Variants in CYP8B1 observed in about 807,000 individuals in gnomAD.
CYP8B1 encodes cytochrome P450 family 8 subfamily B member 1.
For synonymous variants in CYP8B1, 221 were observed against 251.2 expected (o/e 0.88, Z 1.14); for missense variants, 594 against 643.7 (o/e 0.92, Z 0.84).
rs1218136599 is a variant in CYP8B1, at chr3:42,872,787, T to G, written c.*1524A>C. 6.6e-6 allele frequency: 1 copy of G among 152,130 alleles called. No individual in the cohort carries two copies. The highest frequency in any genetic ancestry group is 2.4e-5 in the African/African-American group (1 of 41,268). 9.4% of individuals were successfully genotyped at this position (152,130 alleles called of 1,614,324 possible). A position where few individuals can be genotyped will look rare whatever the true frequency, so the allele number is the denominator to read the frequency against. On this transcript the variant is annotated 3_prime_UTR_variant, in exon 1 of 1. Transcript: ENST00000316161. ...TGTACTGATAGGACGGGGGCCTGCT[T>G]GTATGAAGGTGAAAGAGGAGGAGGG...
In CYP8B1 at chr3:42,874,386, C is replaced by T. The variant is rs735320; in HGVS notation, c.1431G>A (p.Pro477=). Residue 477 remains proline (P), a synonymous_variant, in exon 1 of 1, where the codon CCG becomes CCA. Coordinates refer to ENST00000316161, the MANE Select transcript of CYP8B1 (RefSeq NM_004391.3). ...DPDTPLPHVD[P]QRWGFGTMQP... Reference sequence around the variant, plus strand: ...GCATGGTGCCAAAACCCCAGCGCTGCGGGTCAACATGGGGTAGTGGTGTGT... The same window carrying T: ...GCATGGTGCCAAAACCCCAGCGCTGTGGGTCAACATGGGGTAGTGGTGTGT... 0.16 allele frequency: 262,734 copies of T among 1,613,748 alleles called. 22,596 individuals are homozygous for T. Among genetic ancestry groups the T allele is most frequent in the Non-Finnish European group, 0.17 (205,838 of 1,179,846 alleles).
rs373333689 is a variant in CYP8B1, at chr3:42,873,757, G to A, written c.*554C>T. The stretch of plus-strand genomic sequence containing the variant: ...GCAGAGGTTGCAGTGAGCAGAGATC[G>A]CACCGCTGCACTGCAGCCTCGGCGA... On this transcript the variant is annotated 3_prime_UTR_variant, in exon 1 of 1. Coordinates refer to ENST00000316161, the MANE Select transcript of CYP8B1 (RefSeq NM_004391.3). 3 of 153,596 alleles carry A rather than the reference G, an allele frequency of 2.0e-5. No homozygotes were observed. In the East Asian group the frequency reaches 5.8e-4, roughly 30 times the overall value. 9.5% of individuals were successfully genotyped at this position (153,596 alleles called of 1,614,324 possible).
At position 42,875,248 on chromosome 3, in the gene CYP8B1, T is replaced by A; in HGVS notation, c.569A>T (p.Lys190Met). The change falls in exon 1 of 1, where the codon AAG (lysine) becomes ATG (methionine). Residue 190 changes from lysine (K) to methionine (M), a missense_variant. Coordinates refer to ENST00000316161, the MANE Select transcript of CYP8B1 (RefSeq NM_004391.3). Reference protein sequence around the residue: ...AGYLSLFGYTKDKEQDLLQAG... With the variant: ...AGYLSLFGYTMDKEQDLLQAG... ...CTGTAGCAGGTCCTGCTCCTTGTCCTTCGTGTAGCCGAACAAGCTCAGGTA... is the reference window on the plus strand; with the variant it reads ...CTGTAGCAGGTCCTGCTCCTTGTCCATCGTGTAGCCGAACAAGCTCAGGTA... 2 of 1,593,818 alleles carry A rather than the reference T, an allele frequency of 1.3e-6. No individual in the cohort carries two copies. The highest frequency in any genetic ancestry group is 1.7e-6 in the Non-Finnish European group (2 of 1,168,138).
chr3:42,875,826 C>T lies in CYP8B1; in HGVS notation c.-10G>A. 1.5e-6 allele frequency: 2 copies of T among 1,350,624 alleles called. No individual in the cohort carries two copies. The highest frequency in any genetic ancestry group is 2.7e-5 in the East Asian group (1 of 36,616). 83.7% of individuals were successfully genotyped at this position (1,350,624 alleles called of 1,614,324 possible). ...GACCCCAGAGAACCATGGCTATGCT[C>T]CTGCGGATTAAGCTCTCGACACGCA... On this transcript the variant is annotated 5_prime_UTR_variant, in exon 1 of 1. Transcript: ENST00000316161.
Position 42,874,299 on chromosome 3 carries a change from G to C in CYP8B1, c.*12C>G. 1 of 1,611,048 alleles carries C rather than the reference G, an allele frequency of 6.2e-7. No homozygotes were observed. The highest frequency in any genetic ancestry group is 8.5e-7 in the Non-Finnish European group (1 of 1,178,366). On this transcript the variant is annotated 3_prime_UTR_variant, in exon 1 of 1. Transcript: ENST00000316161. Reference sequence around the variant, plus strand: ...ACTCCTCTGGCCAGGTTTGCAGCTGGCTTGGCCAAGCTCACTCTGTAGGAT... The same window carrying C: ...ACTCCTCTGGCCAGGTTTGCAGCTGCCTTGGCCAAGCTCACTCTGTAGGAT...
rs1481923014 is a variant in CYP8B1 at position 42,873,901 on chromosome 3, G to A, written c.*410C>T. 1 of 210,374 alleles carries A rather than the reference G, an allele frequency of 4.8e-6. No homozygotes were observed. Among genetic ancestry groups the A allele is most frequent in the Non-Finnish European group, 9.5e-6 (1 of 104,718 alleles). The allele number at this position is 210,374 out of a possible 1,614,324, so 13.0% of individuals were successfully genotyped here. A position where few individuals can be genotyped will look rare whatever the true frequency, so the allele number is the denominator to read the frequency against. On this transcript the variant is annotated 3_prime_UTR_variant, in exon 1 of 1. Coordinates refer to ENST00000316161, the MANE Select transcript of CYP8B1 (RefSeq NM_004391.3). ...CTAGAACCTGAATTCCATAGGATGT[G>A]GGATAAGTGTTGCTGAAAAAACTAA...
Position 42,872,820 on chromosome 3 carries a change from CT to C in CYP8B1, c.*1490del, listed in dbSNP as rs2088483678. ...GGTGAAAGAGGAGGAGGGAGAGTGTCTCTGGGAGATGGGGTGAATGGTAGTG... is the reference window on the plus strand; with the variant it reads ...GGTGAAAGAGGAGGAGGGAGAGTGTCCTGGGAGATGGGGTGAATGGTAGTG... On this transcript the variant is annotated 3_prime_UTR_variant, in exon 1 of 1. Transcript: ENST00000316161. The C allele has an allele frequency of 6.6e-6, 1 of 152,364 alleles. No individual in the cohort carries two copies. Among genetic ancestry groups the C allele is most frequent in the Non-Finnish European group, 1.5e-5 (1 of 68,308 alleles). The allele number at this position is 152,364 out of a possible 1,614,324, so 9.4% of individuals were successfully genotyped here.
chr3:42,873,585 G>C lies in CYP8B1; in HGVS notation c.*726C>G, dbSNP rs1203421715. On this transcript the variant is annotated 3_prime_UTR_variant, in exon 1 of 1. Transcript: ENST00000316161. The stretch of plus-strand genomic sequence containing the variant: ...CAATATTTTGGATATATTGGATTAA[G>C]TAAAGTATATTATAAAAATGAATTG... 4.6e-5 allele frequency: 7 copies of C among 152,216 alleles called. No homozygotes were observed. Among genetic ancestry groups the C allele is most frequent in the Non-Finnish European group, 1.0e-4 (7 of 68,044 alleles). 9.4% of individuals were successfully genotyped at this position (152,216 alleles called of 1,614,324 possible). A position where few individuals can be genotyped will look rare whatever the true frequency, so the allele number is the denominator to read the frequency against.
Position 42,873,173 on chromosome 3 carries a change from A to G in CYP8B1, c.*1138T>C, listed in dbSNP as rs1360552471. 6.6e-6 allele frequency: 1 copy of G among 152,132 alleles called. No homozygotes were observed. The highest frequency in any genetic ancestry group is 2.4e-5 in the African/African-American group (1 of 41,396). The allele number at this position is 152,132 out of a possible 1,614,324, so 9.4% of individuals were successfully genotyped here. A position where few individuals can be genotyped will look rare whatever the true frequency, so the allele number is the denominator to read the frequency against. ...CGAGGAGGCCGGCCAAAATGGTGAA[A>G]CGCCGTCTCTACTAAAAATACAGAA... is the stretch of plus-strand genomic sequence containing the variant. On this transcript the variant is annotated 3_prime_UTR_variant, in exon 1 of 1. Coordinates refer to ENST00000316161, the MANE Select transcript of CYP8B1 (RefSeq NM_004391.3).
In CYP8B1 at chr3:42,874,906, G is replaced by A. The variant is rs2088504049; in HGVS notation, c.911C>T (p.Ala304Val). ...AGCTTCCTCCCTCACAGCCCGAATA[G>A]CTTCTGGGTGCTTCAGGAGGTACAA... ...ALLYLLKHPEAIRAVREEATQ... is the reference protein window; with the variant it reads ...ALLYLLKHPEVIRAVREEATQ... The change falls in exon 1 of 1, where the codon GCT becomes GTT. Residue 304 changes from alanine (A) to valine (V), a missense_variant. Ala to Val is a moderately conservative substitution (Grantham distance 64). Coordinates refer to ENST00000316161, the MANE Select transcript of CYP8B1 (RefSeq NM_004391.3). 3.7e-6 allele frequency: 6 copies of A among 1,602,018 alleles called. No homozygotes were observed. Among genetic ancestry groups the A allele is most frequent in the Non-Finnish European group, 4.3e-6 (5 of 1,172,744 alleles).
Position 42,874,904 on chromosome 3 carries a change from T to C in CYP8B1, c.913A>G (p.Ile305Val), listed in dbSNP as rs1469225472. 1.9e-5 allele frequency: 30 copies of C among 1,600,970 alleles called. No individual in the cohort carries two copies. Among genetic ancestry groups the C allele is most frequent in the Non-Finnish European group, 2.4e-5 (28 of 1,172,108 alleles). Reference sequence around the variant, plus strand: ...GTAGCTTCCTCCCTCACAGCCCGAATAGCTTCTGGGTGCTTCAGGAGGTAC... The same window carrying C: ...GTAGCTTCCTCCCTCACAGCCCGAACAGCTTCTGGGTGCTTCAGGAGGTAC... ...LLYLLKHPEAIRAVREEATQV... is the reference protein window; with the variant it reads ...LLYLLKHPEAVRAVREEATQV... The change falls in exon 1 of 1, where the codon ATT becomes GTT. Residue 305 changes from isoleucine to valine, a missense_variant. Transcript: ENST00000316161.
chr3:42,875,711 C>T lies in CYP8B1; in HGVS notation c.106G>A (p.Asp36Asn). The T allele has an allele frequency of 6.8e-7, 1 of 1,474,158 alleles. No individual in the cohort carries two copies. The allele number at this position is 1,474,158 out of a possible 1,614,324, so 91.3% of individuals were successfully genotyped here. Residue 36 changes from aspartate (D) to asparagine (N), a missense_variant, in exon 1 of 1, where the codon GAC becomes AAC. Coordinates refer to ENST00000316161, the MANE Select transcript of CYP8B1 (RefSeq NM_004391.3). ...CCAAGCCAGGGCACGGTACCCTTGTCCAGAGGGGGCTCCCATGGCCTGCGT... is the reference window on the plus strand; with the variant it reads ...CCAAGCCAGGGCACGGTACCCTTGTTCAGAGGGGGCTCCCATGGCCTGCGT... Reference protein sequence around the residue: ...RQRRPWEPPLDKGTVPWLGHA... With the variant: ...RQRRPWEPPLNKGTVPWLGHA...
chr3:42,874,715 T>C lies in CYP8B1; in HGVS notation c.1102A>G (p.Met368Val). The change falls in exon 1 of 1, where the codon ATG becomes GTG. Residue 368 changes from methionine (M) to valine (V), a missense_variant. Met to Val is a conservative substitution (Grantham distance 21). Coordinates refer to ENST00000316161, the MANE Select transcript of CYP8B1 (RefSeq NM_004391.3). ...AACAGATACTCCTGCCCACTGGACATCTTCAGGGTATAGTCTTCATGAACC... is the reference window on the plus strand; with the variant it reads ...AACAGATACTCCTGCCCACTGGACACCTTCAGGGTATAGTCTTCATGAACC... ...RLVHEDYTLK[M>V]SSGQEYLFRH... 1 of 1,614,080 alleles carries C rather than the reference T, an allele frequency of 6.2e-7. No individual in the cohort carries two copies. Among genetic ancestry groups the C allele is most frequent in the South Asian group, 1.1e-5 (1 of 91,072 alleles).
In CYP8B1 at chr3:42,874,778, TCTC is replaced by T. The variant is rs1395653177; in HGVS notation, c.1036_1038del (p.Glu346del). 1.2e-6 allele frequency: 2 copies of T among 1,613,966 alleles called. No individual in the cohort carries two copies. The highest frequency in any genetic ancestry group is 1.3e-5 in the African/African-American group (1 of 74,980). On this transcript the variant is annotated inframe_deletion, in exon 1 of 1. Transcript: ENST00000316161. ...GTGGGTGCAGCCCTCAGCCGCAGCG[TCTC>T]CTCCACCACGCTGTCTAGAACTGGG...
In CYP8B1 at chr3:42,874,703, G is replaced by T. The variant is rs1314738039; in HGVS notation, c.1114C>A (p.Gln372Lys). 7 of 1,613,828 alleles carry T rather than the reference G, an allele frequency of 4.3e-6. No homozygotes were observed. The highest frequency in any genetic ancestry group is 5.9e-6 in the Non-Finnish European group (7 of 1,179,992). ...TCTCCATGGCGGAACAGATACTCCT[G>T]CCCACTGGACATCTTCAGGGTATAG... ...EDYTLKMSSG[Q>K]EYLFRHGDIL... The change falls in exon 1 of 1, where the codon CAG becomes AAG. Residue 372 changes from glutamine (Q) to lysine (K), a missense_variant. Physicochemically the swap from Gln to Lys is moderately conservative, Grantham distance 53. Transcript: ENST00000316161.
rs1483125525 is a variant in CYP8B1, at chr3:42,875,639, T to C, written c.178A>G (p.Met60Val). The change falls in exon 1 of 1, where the codon ATG (methionine) becomes GTG (valine). Residue 60 changes from methionine to valine, a missense_variant. By Grantham distance (21) the Met-to-Val change is conservative. Coordinates refer to ENST00000316161, the MANE Select transcript of CYP8B1 (RefSeq NM_004391.3). ...RKNMFEFLKR[M>V]RTKHGDVFTV... ...AACACATCCCCATGCTTGGTCCTCATGCGCTTCAGAAATTCAAACATATTC... is the reference window on the plus strand; with the variant it reads ...AACACATCCCCATGCTTGGTCCTCACGCGCTTCAGAAATTCAAACATATTC... The C allele has an allele frequency of 1.3e-6, 2 of 1,484,712 alleles. No individual in the cohort carries two copies. The highest frequency in any genetic ancestry group is 1.8e-6 in the Non-Finnish European group (2 of 1,118,298). The allele number at this position is 1,484,712 out of a possible 1,614,324, so 92.0% of individuals were successfully genotyped here. A position where few individuals can be genotyped will look rare whatever the true frequency, so the allele number is the denominator to read the frequency against.
At position 42,874,919 on chromosome 3, in the gene CYP8B1, T is replaced by A. The variant is rs1475945664; in HGVS notation, c.898A>T (p.Lys300Ter). 9 of 1,606,034 alleles carry A rather than the reference T, an allele frequency of 5.6e-6. No individual in the cohort carries two copies. Among genetic ancestry groups the A allele is most frequent in the South Asian group, 2.2e-5 (2 of 90,170 alleles). Residue 300 changes from lysine to a stop codon, truncating the protein, a stop_gained, in exon 1 of 1, where the codon AAG becomes TAG. Transcript: ENST00000316161. LOFTEE classifies it low-confidence loss of function (END_TRUNC). ...TSFWALLYLLKHPEAIRAVRE... is the reference protein window; with the variant it reads ...TSFWALLYLL ...ACAGCCCGAATAGCTTCTGGGTGCT[T>A]CAGGAGGTACAAGAGGGCCCAGAAA...
Position 42,875,436 on chromosome 3 carries a change from G to A in CYP8B1, c.381C>T (p.Ser127=). Residue 127 remains serine, a synonymous_variant, in exon 1 of 1, where the codon AGC becomes AGT. Coordinates refer to ENST00000316161, the MANE Select transcript of CYP8B1 (RefSeq NM_004391.3). The stretch of plus-strand genomic sequence containing the variant: ...AGCCATCCCCCCTCAGATGCTTGGT[G>A]CTGGCTGAGTGTATCATCTCATGGT... The part of the protein sequence containing the change: ...QGDHEMIHSA[S]TKHLRGDGLK... 2 of 1,612,262 alleles carry A rather than the reference G, an allele frequency of 1.2e-6. No homozygotes were observed. Among genetic ancestry groups the A allele is most frequent in the South Asian group, 2.2e-5 (2 of 90,886 alleles).
In CYP8B1 at chr3:42,875,551, A is replaced by T; in HGVS notation, c.266T>A (p.Ile89Asn). The change falls in exon 1 of 1, where the codon ATC (isoleucine) becomes AAC (asparagine). Residue 89 changes from isoleucine to asparagine, a missense_variant. Physicochemically the swap from Ile to Asn is moderately radical, Grantham distance 149. Transcript: ENST00000316161. ...FVMDPLSFGS[I>N]LKDTQRKLDF... ...TAGTTTTCTCTGTGTGTCCTTGAGG[A>T]TGGAGCCAAAGGAGAGGGGGTCCAT... is the stretch of plus-strand genomic sequence containing the variant. 2 of 1,523,128 alleles carry T rather than the reference A, an allele frequency of 1.3e-6. No homozygotes were observed. The highest frequency in any genetic ancestry group is 1.8e-6 in the Non-Finnish European group (2 of 1,134,344). 94.4% of individuals were successfully genotyped at this position (1,523,128 alleles called of 1,614,324 possible).
Sources: allele counts gnomAD v4.1 joint callset, GRCh38; gene constraint gnomAD v4.1.1; transcripts MANE v1.5; gene names NCBI Gene and HGNC (gene_info 2026-07-23, HGNC 2026-07-21).